The following PACS2 variants were observed in gnomAD, a reference collection of about 807,000 sequenced individuals.
PACS2 encodes the protein phosphofurin acidic cluster sorting protein 2.
In PACS2, 36 loss-of-function variants were observed where a neutral mutation model predicts 113.0. The observed-to-expected ratio is 0.32, with a 90% CI of 0.24 to 0.42. PACS2 has a LOEUF of 0.42. PACS2 is among the 10% of genes least tolerant of loss of function. The pLI, the probability that PACS2 is intolerant of heterozygous loss-of-function variation, is 1.00. For missense variants in PACS2, 1,015 were observed against 1,239.5 expected, an observed-to-expected ratio of 0.82 and a Z score of 2.72; for synonymous variants, 589 against 536.1, an observed-to-expected ratio of 1.10 and a Z score of -1.36.
chr14:105,367,258 AG>A lies in PACS2; in HGVS notation c.470del (p.Ser157ThrfsTer84). Reference protein sequence around the residue: ...SEGGQVLSLCSSIKEAPVKAA... With the variant: ...SEGGQVLSLCXSIKEAPVKAA... ...AGGTGGCCAGGTGCTGAGCCTCTGCAGCAGCATCAAGGAGGCCCCCGTCAAG... is the reference window on the plus strand; with the variant it reads ...AGGTGGCCAGGTGCTGAGCCTCTGCACAGCATCAAGGAGGCCCCCGTCAAG... On this transcript the variant is annotated frameshift_variant, in exon 5 of 25. Coordinates refer to ENST00000447393, the MANE Select transcript of PACS2 (RefSeq NM_001100913.3). LOFTEE classifies it high-confidence loss of function. 1 of 1,613,088 alleles carries A rather than the reference AG, an allele frequency of 6.2e-7. No homozygotes were observed. Among genetic ancestry groups the A allele is most frequent in the Non-Finnish European group, 8.5e-7 (1 of 1,179,932 alleles).
At chr14:105,377,849 C>T (rs587669884) in intron 9 of PACS2, among the ~76,000 whole-genome samples, 73 of 152,346 alleles carry the variant, frequency 4.8e-4, no homozygotes, top group Non-Finnish European at 8.8e-4. Flanking sequence ...CATTCTTGGC[C>T]AGGGTCTCGC....
intron 1 of PACS2, among the ~76,000 whole-genome samples, chr14:105,341,005 G>A (rs945668421): frequency 2.0e-5 from 3 of 152,256 alleles, no homozygotes; most frequent in East Asian, 1.9e-4. Flanking sequence ...GCTGGAGAAC[G>A]GAGCTTGGAG....
intron 1 of PACS2, among the ~76,000 whole-genome samples, chr14:105,316,426 C>T (rs140406478): frequency 5.4e-4 from 82 of 152,390 alleles, no homozygotes; most frequent in Middle Eastern, 3.4e-3. Flanking sequence ...CACAGCCCTT[C>T]TCCTGTCTGC....
At chr14:105,380,934 C>T in intron 11 of PACS2, 23 bp from the exon 12 acceptor site, 1 of 1,598,812 alleles carries the variant, frequency 6.3e-7, no homozygotes. Context: ...ACGGGAGGCT[C>T]CAGGCCCGTC....
chr14:105,346,508 TCCCCCACCCACACCCGCACAACTTCC>T (rs1246060569), intron 1 of PACS2, among the ~76,000 whole-genome samples: 10 of 46,832 alleles, frequency 2.1e-4, no homozygotes, highest in African/African-American at 9.0e-4. Flanking sequence ...CCTGCACGGC[TCCCCCACCCACACCCGCACAACTTCC>T]CCCCCACCCC....
At position 105,315,263 on chromosome 14, in the gene PACS2, C is replaced by T. The variant is rs2058532174; in HGVS notation, c.119+226C>T. Reference sequence around the variant, plus strand: ...GAGCACCGGGGGCCGCGCTCAGCTTCCGAGGACCCGGTGCTGCTCAGACCC... The same window carrying T: ...GAGCACCGGGGGCCGCGCTCAGCTTTCGAGGACCCGGTGCTGCTCAGACCC... On this transcript the variant is annotated intron_variant, in intron 1 of 24. Transcript: ENST00000447393. This position sits in a 1 kb window ranked among gnomAD's most constrained non-coding sequence, Gnocchi z 4.4. The T allele has an allele frequency of 6.0e-6, 1 of 165,576 alleles. No homozygotes were observed. The highest frequency in any genetic ancestry group is 1.3e-5 in the Non-Finnish European group (1 of 78,570). The allele number at this position is 165,576 out of a possible 1,614,324, so 10.3% of individuals were successfully genotyped here.
chr14:105,309,593 C>T (rs1047411750), upstream of PACS2, among the ~76,000 whole-genome samples: 15 of 152,306 alleles, frequency 9.8e-5, no homozygotes, highest in Admixed American at 3.9e-4. The surrounding 1 kb of genome is among the most constrained non-coding windows in gnomAD (Gnocchi z 4.0). Flanking sequence ...TCTCCCAAGA[C>T]GCTGCCAAGC....
intron 1 of PACS2, among the ~76,000 whole-genome samples, chr14:105,303,579 G>A (rs186215647): frequency 6.6e-6 from 1 of 152,254 alleles, no homozygotes; most frequent in East Asian, 1.9e-4. Context: ...TGAAATCATT[G>A]ATTTAAGATC....
intron 7 of PACS2, 59 bp downstream of exon 7, chr14:105,368,598 G>T: frequency 7.5e-7 from 1 of 1,333,004 alleles, no homozygotes; most frequent in East Asian, 2.3e-5. Context: ...AGGACGCTGG[G>T]AGCCTGGGCG....
chr14:105,367,719 T>C (rs907049285), intron 5 of PACS2, among the ~76,000 whole-genome samples: 3 of 152,224 alleles, frequency 2.0e-5, no homozygotes, highest in African/African-American at 7.2e-5. Context: ...GCCACCCCAG[T>C]GGGGTCACCA....
At position 105,330,150 on chromosome 14, in the gene PACS2, C is replaced by T. The variant is rs1344446823; in HGVS notation, c.119+15113C>T. Among the ~76,000 whole-genome samples, 6 of 130,914 alleles carry T rather than the reference C, an allele frequency of 4.6e-5. No individual in the cohort carries two copies. Among genetic ancestry groups the T allele is most frequent in the Admixed American group, 1.5e-4 (2 of 13,000 alleles). The allele number at this position is 130,914 out of a possible 152,430, so 85.9% of individuals were successfully genotyped here. A position where few individuals can be genotyped will look rare whatever the true frequency, so the allele number is the denominator to read the frequency against. On this transcript the variant is annotated intron_variant, in intron 1 of 24. Transcript: ENST00000447393. The surrounding 1 kb of genome is among the most constrained non-coding windows in gnomAD (Gnocchi z 6.9). ...GGAAGGAACGGGGACAGGGAGCCTC[C>T]GAGAAGCCTGGGGTCCGTGTGTGGG...
At chr14:105,384,326 G>A (rs1555412956) in intron 16 of PACS2, 27 bp from the exon 17 acceptor site, 1 of 1,415,482 alleles carries the variant, frequency 7.1e-7, no homozygotes, top group South Asian at 1.2e-5. Flanking sequence ...CCCCCGTGGT[G>A]ACACCAGCCC....
At chr14:105,385,548 C>A in intron 18 of PACS2, 137 bp from the exon 19 acceptor site, 2 of 560,778 alleles carry the variant, frequency 3.6e-6, no homozygotes, top group Admixed American at 6.4e-5. Context: ...GTGCAAGGCG[C>A]AAAGCCAGCG....
In PACS2 at chr14:105,365,458, G is replaced by T. The variant is rs1356381326; in HGVS notation, c.424-1755G>T. ...ACAACCCGCCCCTGGCCCGCTGCGGGCCCAGCAGAGCATTCCCACTACAGC... is the reference window on the plus strand; with the variant it reads ...ACAACCCGCCCCTGGCCCGCTGCGGTCCCAGCAGAGCATTCCCACTACAGC... On this transcript the variant is annotated intron_variant, in intron 4 of 24. Transcript: ENST00000447393. The surrounding 1 kb of genome is among the most constrained non-coding windows in gnomAD (Gnocchi z 5.1). 6.6e-6 allele frequency among the ~76,000 whole-genome samples: 1 copy of T among 152,152 alleles called. No individual in the cohort carries two copies. Among genetic ancestry groups the T allele is most frequent in the Non-Finnish European group, 1.5e-5 (1 of 68,012 alleles).
At chr14:105,389,657 C>A (rs1481369554) in intron 19 of PACS2, 11 of 425,640 alleles carry the variant, frequency 2.6e-5, no homozygotes, top group East Asian at 2.4e-4. Flanking sequence ...CAGAGTGAAT[C>A]CCTCCGTGGA....
chr14:105,340,294 A>G lies in PACS2; in HGVS notation c.120-8199A>G, dbSNP rs1400018399. ...GTGATAACTGAACATTCATGTAGGA[A>G]ATAAAATGCAATCACAACACACACA... On this transcript the variant is annotated intron_variant, in intron 1 of 24. Coordinates refer to ENST00000447393, the MANE Select transcript of PACS2 (RefSeq NM_001100913.3). The surrounding 1 kb of genome is among the most constrained non-coding windows in gnomAD (Gnocchi z 4.2). 1.3e-5 allele frequency among the ~76,000 whole-genome samples: 2 copies of G among 152,200 alleles called. No individual in the cohort carries two copies. Among genetic ancestry groups the G allele is most frequent in the African/African-American group, 4.8e-5 (2 of 41,432 alleles).
chr14:105,392,535 C>A, intron 22 of PACS2, 84 bp from the exon 23 acceptor site: 1 of 1,257,844 alleles, frequency 8.0e-7, no homozygotes, highest in Non-Finnish European at 1.1e-6. Flanking sequence ...TGGCTGTCAC[C>A]TCCTGGCCTG....
rs1555412122 is a variant in PACS2, at chr14:105,381,919, A to T, written c.1274A>T (p.Glu425Val). Reference protein sequence around the residue: ...ESLVIPSTRSEGKQAGRRGRS... With the variant: ...ESLVIPSTRSVGKQAGRRGRS... ...CCTGTCCTGGTCCCCAATAGGTCCGAGGGGAAGCAGGCTGGCCGACGGGGC... is the reference window on the plus strand; with the variant it reads ...CCTGTCCTGGTCCCCAATAGGTCCGTGGGGAAGCAGGCTGGCCGACGGGGC... The change falls in exon 13 of 25, where the codon GAG (glutamate) becomes GTG (valine). Residue 425 changes from glutamate to valine, a missense_variant. This residue lies in a region of PACS2 where 859 missense variants were observed against 1,056.8 expected (regional missense o/e 0.81). Coordinates refer to ENST00000447393, the MANE Select transcript of PACS2 (RefSeq NM_001100913.3). The T allele has an allele frequency of 6.4e-7, 1 of 1,551,198 alleles. No homozygotes were observed.
rs188351899 is a variant in PACS2 at position 105,315,398 on chromosome 14, G to C, written c.119+361G>C. On this transcript the variant is annotated intron_variant, in intron 1 of 24. Transcript: ENST00000447393. The surrounding 1 kb of genome is among the most constrained non-coding windows in gnomAD (Gnocchi z 4.4). ...GGGTGACGAGGGTGCTTCCTCTCTCGGGTACCACACGCTTCCTTTCGCGTT... is the reference window on the plus strand; with the variant it reads ...GGGTGACGAGGGTGCTTCCTCTCTCCGGTACCACACGCTTCCTTTCGCGTT... 1.3e-5 allele frequency: 2 copies of C among 152,412 alleles called. No homozygotes were observed. Among genetic ancestry groups the C allele is most frequent in the African/African-American group, 4.8e-5 (2 of 41,580 alleles). 9.4% of individuals were successfully genotyped at this position (152,412 alleles called of 1,614,324 possible). A position where few individuals can be genotyped will look rare whatever the true frequency, so the allele number is the denominator to read the frequency against.
Sources: allele counts gnomAD v4.1 joint callset (sites outside exome capture counted in the v4.1 genomes callset), GRCh38; gene constraint gnomAD v4.1.1; regional missense constraint gnomAD v4.1.1; non-coding constraint Gnocchi (gnomAD v3.1); transcripts MANE v1.5; gene names NCBI Gene and HGNC (gene_info 2026-07-23, HGNC 2026-07-21).